The following ART3 variants were observed in gnomAD, a reference collection of about 807,000 sequenced individuals.
ART3 encodes the protein ADP-ribosyltransferase 3 (inactive).
A neutral mutation model predicts 48.5 loss-of-function variants in ART3; 49 were observed. That is an observed-to-expected ratio of 1.01 (90% CI 0.80 to 1.28). ART3 has a LOEUF of 1.28. Among genes scored for constraint, ART3 ranks in the 50% most tolerant of loss-of-function variants. The pLI, the probability that ART3 is intolerant of heterozygous loss-of-function variation, is 0.00. For missense variants in ART3, 438 were observed against 454.3 expected (o/e 0.96, Z 0.33); for synonymous variants, 145 against 157.2 (o/e 0.92, Z 0.58).
At chr4:76,035,315 C>G (rs1436351705) in intron 1 of ART3, 1 of 1,614,030 alleles carries the variant, frequency 6.2e-7, no homozygotes, top group African/African-American at 1.3e-5. Flanking sequence ...TATGCAAAGA[C>G]AGCGTCCTCT....
chr4:76,029,432 A>G (rs145011125), intron 1 of ART3, among the ~76,000 whole-genome samples: 56 of 152,314 alleles, frequency 3.7e-4, no homozygotes, highest in African/African-American at 1.2e-3. Flanking sequence ...TTAGGTACTT[A>G]AGTGAAACTA....
upstream of ART3, among the ~76,000 whole-genome samples, chr4:76,073,377 C>T (rs186100291): frequency 1.8e-4 from 27 of 152,222 alleles, no homozygotes; most frequent in Non-Finnish European, 1.8e-4. Context: ...TCTTTCTAAC[C>T]AAACTCCTGC....
intron 3 of ART3, among the ~76,000 whole-genome samples, chr4:76,095,011 T>A (rs1289373438): frequency 1.3e-5 from 2 of 152,226 alleles, no homozygotes; most frequent in Non-Finnish European, 2.9e-5. Flanking sequence ...GCTGAATCTG[T>A]TGTTAGGTTT....
chr4:76,047,982 G>C (rs59610986), intron 1 of ART3, among the ~76,000 whole-genome samples: 3,856 of 151,976 alleles, frequency 0.025, 160 homozygotes, highest in African/African-American at 0.086. Context: ...CAGGTACCCG[G>C]GTTGGGCCAA....
chr4:76,081,102 G>C (rs1578463133), intron 2 of ART3, among the ~76,000 whole-genome samples: 1 of 152,280 alleles, frequency 6.6e-6, no homozygotes, highest in South Asian at 2.1e-4. Context: ...GTACAGTTAG[G>C]CCCAGCGTCT....
Position 76,079,814 on chromosome 4 carries a change from G to C in ART3, c.70-2010G>C, listed in dbSNP as rs184370673. Among the ~76,000 whole-genome samples the C allele has an allele frequency of 8.7e-4, 133 of 152,078 alleles. 1 individual carries two copies. Among genetic ancestry groups the C allele is most frequent in the African/African-American group, 3.2e-3 (132 of 41,486 alleles). ...GGGAGAGAAGAGAGATGGGAAAGGA[G>C]ATACCTAGAGCAGGATATGGAAGCA... is the stretch of plus-strand genomic sequence containing the variant. On this transcript the variant is annotated intron_variant, in intron 2 of 11. Coordinates refer to ENST00000355810, the MANE Select transcript of ART3 (RefSeq NM_001130016.3).
chr4:76,056,686 A>G (rs1718723460), intron 1 of ART3, among the ~76,000 whole-genome samples: 1 of 152,196 alleles, frequency 6.6e-6, no homozygotes. Flanking sequence ...TATTCCTGAC[A>G]TCTCACGTTG....
chr4:76,032,262 A>G (rs1733938185), intron 1 of ART3, among the ~76,000 whole-genome samples: 1 of 149,912 alleles, frequency 6.7e-6, no homozygotes, highest in Non-Finnish European at 1.5e-5. Context: ...GCTGGAGTGC[A>G]GTGGTGTGAT....
intron 1 of ART3, among the ~76,000 whole-genome samples, chr4:76,029,627 T>C (rs1207998833): frequency 6.6e-6 from 1 of 152,198 alleles, no homozygotes; most frequent in Admixed American, 6.5e-5. Flanking sequence ...GTGCTGACCA[T>C]ATCATAAAGA....
At chr4:76,034,192 T>G (rs2149403256) in intron 1 of ART3, 1 of 362,992 alleles carries the variant, frequency 2.8e-6, no homozygotes. Context: ...TACATATTGA[T>G]GTGCTACATG....
At chr4:76,022,031 C>G (rs1404646921) in intron 1 of ART3, 19 of 1,267,600 alleles carry the variant, frequency 1.5e-5, no homozygotes, top group Non-Finnish European at 1.7e-5. Context: ...GTACCGAGTT[C>G]ATAGAATAGA....
At chr4:76,070,348 C>T (rs1416762721), upstream of ART3, among the ~76,000 whole-genome samples, 1 of 152,146 alleles carries the variant, frequency 6.6e-6, no homozygotes, top group Admixed American at 6.5e-5. Context: ...TTCTCATCAA[C>T]ATTTTATGTT....
chr4:76,022,595 C>G (rs1426121785), intron 1 of ART3: 2 of 1,470,022 alleles, frequency 1.4e-6, no homozygotes, highest in Non-Finnish European at 1.8e-6. Context: ...AGAATCATCA[C>G]AAACCCTTTA....
intron 1 of ART3, chr4:76,034,165 G>A (rs1045006349): frequency 3.1e-6 from 1 of 327,112 alleles, no homozygotes; most frequent in African/African-American, 2.1e-5. Flanking sequence ...ACCAAATGAT[G>A]CATAAGAATG....
At chr4:76,014,893 A>G (rs1732123505) in intron 1 of ART3, among the ~76,000 whole-genome samples, 1 of 152,226 alleles carries the variant, frequency 6.6e-6, no homozygotes, top group African/African-American at 2.4e-5. Context: ...AGGGCAGTGA[A>G]ACAACATGTT....
chr4:76,105,146 G>A (rs1728185137), intron 10 of ART3, among the ~76,000 whole-genome samples: 1 of 152,126 alleles, frequency 6.6e-6, no homozygotes, highest in African/African-American at 2.4e-5. Context: ...AACCTCTAGT[G>A]ACACTGATGA....
chr4:76,095,174 T>C (rs1725721311), intron 3 of ART3, among the ~76,000 whole-genome samples: 1 of 152,144 alleles, frequency 6.6e-6, no homozygotes, highest in African/African-American at 2.4e-5. Context: ...AGAGTTTAAA[T>C]AGGGAGGAGA....
At chr4:76,018,453 G>A (rs985127212) in intron 1 of ART3, among the ~76,000 whole-genome samples, 1 of 152,098 alleles carries the variant, frequency 6.6e-6, no homozygotes, top group African/African-American at 2.4e-5. Context: ...GGGTAGGGAG[G>A]AAGATGAAGA....
chr4:76,036,123 C>A, intron 1 of ART3: 1 of 677,550 alleles, frequency 1.5e-6, no homozygotes, highest in South Asian at 1.9e-5. Context: ...CACCAGCAAT[C>A]CTTTTATGGC....
Sources: gnomAD v4.1 joint callset for allele counts (sites outside exome capture counted in the v4.1 genomes callset) on GRCh38, gnomAD v4.1.1 for gene constraint, MANE v1.5 for transcripts, NCBI Gene and HGNC (gene_info 2026-07-23, HGNC 2026-07-21) for gene names.